The following ESR1 variants were observed in gnomAD, a reference collection of about 807,000 sequenced individuals.
ESR1 encodes estrogen receptor.
ESR1 carries 12 observed loss-of-function variants against 52.7 expected under a neutral mutation model. The observed-to-expected ratio is 0.23, with a 90% confidence interval of 0.15 to 0.37. ESR1 has a LOEUF of 0.37. Among genes scored for constraint, ESR1 ranks in the 10% least tolerant of loss-of-function variants. The probability of loss-of-function intolerance (pLI) is 1.00; values close to 1 mark genes in which losing one functional copy is unlikely to be tolerated. For missense variants in ESR1, 584 were observed against 779.7 expected, an observed-to-expected ratio of 0.75 and a Z score of 2.99; for synonymous variants, 305 against 316.8, an observed-to-expected ratio of 0.96 and a Z score of 0.39.
intron 1 of ESR1, among the ~76,000 whole-genome samples, chr6:151,683,695 AT>A (rs1171249758): frequency 1.2e-4 from 18 of 148,820 alleles, no homozygotes; most frequent in South Asian, 2.1e-4. Context: ...GTTGTCATAC[AT>A]TTTTTTTTCT....
intron 6 of ESR1, among the ~76,000 whole-genome samples, chr6:152,071,526 C>A (rs2048349796): frequency 6.6e-6 from 1 of 152,106 alleles, no homozygotes; most frequent in African/African-American, 2.4e-5. Flanking sequence ...ATTATAATAG[C>A]GTCTACCTCA....
chr6:151,780,146 A>T (rs796932084), intron 2 of ESR1, among the ~76,000 whole-genome samples: 18 of 152,134 alleles, frequency 1.2e-4, no homozygotes, highest in African/African-American at 4.1e-4. Context: ...TGAGTTCCAC[A>T]AGTTCTATAA....
intron 4 of ESR1, 37 bp from the exon 5 acceptor site, chr6:152,011,619 C>A (rs771149182): frequency 1.2e-6 from 2 of 1,612,418 alleles, no homozygotes; most frequent in African/African-American, 2.7e-5. Context: ...GAGTCTTTTT[C>A]ATTTGAGTCA....
At chr6:151,971,056 C>T (rs1357992705) in intron 4 of ESR1, among the ~76,000 whole-genome samples, 1 of 152,134 alleles carries the variant, frequency 6.6e-6, no homozygotes, top group East Asian at 1.9e-4. Flanking sequence ...TCCATGAGTG[C>T]CTAACATAGC....
At chr6:151,854,913 A>ATATT (rs1382532178) in intron 2 of ESR1, among the ~76,000 whole-genome samples, 4 of 152,050 alleles carry the variant, frequency 2.6e-5, no homozygotes, top group African/African-American at 4.8e-5. Flanking sequence ...TTTTAAAATG[A>ATATT]TATTTATTTA....
At chr6:152,072,300 C>G (rs895046720) in intron 6 of ESR1, among the ~76,000 whole-genome samples, 2 of 152,200 alleles carry the variant, frequency 1.3e-5, no homozygotes, top group Non-Finnish European at 2.9e-5. Context: ...TCTGAGTTCT[C>G]AAAGCATTTG....
intron 2 of ESR1, among the ~76,000 whole-genome samples, chr6:151,880,225 T>C (rs9340841): frequency 0.046 from 6,552 of 141,068 alleles, 196 homozygotes; most frequent in South Asian, 0.077. Context: ...CTCTGTTGCC[T>C]AGGCTGGAGT....
chr6:151,850,206 T>G (rs759641046), intron 2 of ESR1, among the ~76,000 whole-genome samples: 2 of 93,854 alleles, frequency 2.1e-5, no homozygotes, highest in Non-Finnish European at 4.6e-5. Flanking sequence ...TGACCTTATT[T>G]GGAAATAATG....
At chr6:152,059,862 C>T (rs1562737811) in intron 5 of ESR1, among the ~76,000 whole-genome samples, 1 of 152,048 alleles carries the variant, frequency 6.6e-6, no homozygotes, top group Non-Finnish European at 1.5e-5. Flanking sequence ...GCATTCAGTT[C>T]AGTGAAGACA....
intron 6 of ESR1, among the ~76,000 whole-genome samples, chr6:152,111,427 G>C (rs141244041): frequency 6.6e-6 from 1 of 152,166 alleles, no homozygotes; most frequent in East Asian, 1.9e-4. Flanking sequence ...ACAGCCCTCC[G>C]AGCGACTTCC....
At chr6:151,899,525 GC>G (rs1459576291) in intron 3 of ESR1, among the ~76,000 whole-genome samples, 2 of 147,734 alleles carry the variant, frequency 1.4e-5, no homozygotes, top group Admixed American at 6.7e-5. Context: ...CGGGCGGGGG[GC>G]TGACCCCCCC....
At chr6:152,012,046 A>ACACACACACACT (rs771620414) in intron 5 of ESR1, among the ~76,000 whole-genome samples, 24 of 140,612 alleles carry the variant, frequency 1.7e-4, no homozygotes, top group African/African-American at 6.5e-4. Context: ...ACACACACAC[A>ACACACACACACT]CTCACACTCT....
chr6:152,087,750 A>G (rs1160582471), intron 6 of ESR1, among the ~76,000 whole-genome samples: 1 of 152,220 alleles, frequency 6.6e-6, no homozygotes, highest in Non-Finnish European at 1.5e-5. Context: ...ACAAGGATAC[A>G]ATCCATGTTT....
intron 1 of ESR1, among the ~76,000 whole-genome samples, chr6:151,695,745 T>C (rs1013182012): frequency 1.3e-5 from 2 of 152,214 alleles, no homozygotes; most frequent in African/African-American, 2.4e-5. Context: ...TGTACTCTAA[T>C]AATTATTTAT....
intron 6 of ESR1, among the ~76,000 whole-genome samples, chr6:152,093,133 C>T (rs1362720219): frequency 2.6e-5 from 4 of 151,858 alleles, no homozygotes; most frequent in Non-Finnish European, 4.4e-5. Flanking sequence ...AAAAATTAGC[C>T]GGGTGTGGTG....
In ESR1 at chr6:152,114,255, G is replaced by A. The variant is rs74452197; in HGVS notation, c.851-11011G>A. 2.3e-4 allele frequency among the ~76,000 whole-genome samples: 35 copies of A among 152,282 alleles called. No individual in the cohort carries two copies. The East Asian group carries it at 5.8e-3, about 25-fold the overall frequency. On this transcript the variant is annotated intron_variant, in intron 6 of 6. Coordinates refer to the ESR1 transcript ENST00000427531. ...GACTTTCGAGTCACTGTCCCTCCCCGCCCCATCATTTCTGGGGACCAGTCT... is the reference window on the plus strand; with the variant it reads ...GACTTTCGAGTCACTGTCCCTCCCCACCCCATCATTTCTGGGGACCAGTCT...
At chr6:151,717,666 G>A (rs182722177) in intron 2 of ESR1, among the ~76,000 whole-genome samples, 1 of 152,118 alleles carries the variant, frequency 6.6e-6, no homozygotes, top group Admixed American at 6.5e-5. Flanking sequence ...GACCCCGGTG[G>A]TAGGGTTATG....
intron 2 of ESR1, among the ~76,000 whole-genome samples, chr6:151,737,888 T>C (rs1782795319): frequency 6.6e-6 from 1 of 152,226 alleles, no homozygotes; most frequent in Non-Finnish European, 1.5e-5. Context: ...AAGGGAATTA[T>C]AAGGGAAGGG....
upstream of ESR1, chr6:151,804,751 A>C (rs1777610034): frequency 6.6e-6 from 1 of 152,160 alleles, no homozygotes; most frequent in South Asian, 2.1e-4. Flanking sequence ...TTGTGATTAG[A>C]GTCATTTAAT....
Sources: allele counts gnomAD v4.1 joint callset (sites outside exome capture counted in the v4.1 genomes callset), GRCh38; gene constraint gnomAD v4.1.1; transcripts MANE v1.5; gene names NCBI Gene and HGNC (gene_info 2026-07-23, HGNC 2026-07-21).